The following CDH9 variants were observed in gnomAD, a reference collection of about 807,000 sequenced individuals.
CDH9 encodes cadherin 9, also known as cadherin-9.
Under a neutral mutation model 70.9 loss-of-function variants are expected in CDH9, and 28 were observed. The observed-to-expected ratio is 0.40, with a 90% CI of 0.29 to 0.54. The LOEUF is 0.54. Ranked by LOEUF, CDH9 falls within the 20% of genes least tolerant of loss-of-function variation. The probability of loss-of-function intolerance (pLI) is 0.59; values close to 1 mark genes in which losing one functional copy is unlikely to be tolerated. For missense variants in CDH9, 874 were observed against 984.4 expected (o/e 0.89, Z 1.50); for synonymous variants, 409 against 343.1 (o/e 1.19, Z -2.12).
At chr5:26,925,410 T>C (rs1741319719) in intron 2 of CDH9, among the ~76,000 whole-genome samples, 1 of 152,184 alleles carries the variant, frequency 6.6e-6, no homozygotes, top group African/African-American at 2.4e-5. Context: ...GTTTTATTCT[T>C]GTAAGTTTGT....
At chr5:26,977,662 G>T (rs1210614414) in intron 2 of CDH9, among the ~76,000 whole-genome samples, 1 of 151,868 alleles carries the variant, frequency 6.6e-6, no homozygotes, top group Non-Finnish European at 1.5e-5. Flanking sequence ...AGGATTCAAG[G>T]CTGCCATATT....
chr5:27,006,851 T>C (rs550113090), intron 1 of CDH9, among the ~76,000 whole-genome samples: 1 of 152,226 alleles, frequency 6.6e-6, no homozygotes, highest in South Asian at 2.1e-4. Context: ...TGTCTACTGA[T>C]TTTCTAGGCA....
intron 2 of CDH9, among the ~76,000 whole-genome samples, chr5:26,952,652 A>AAAG (rs1554000028): frequency 1.5e-4 from 21 of 141,352 alleles, no homozygotes; most frequent in African/African-American, 5.5e-4. Context: ...AAAAAAAAAA[A>AAAG]AAAGAAAGAA....
At chr5:27,016,714 T>G (rs1218331254) in intron 1 of CDH9, among the ~76,000 whole-genome samples, 11 of 151,982 alleles carry the variant, frequency 7.2e-5, no homozygotes, top group South Asian at 4.1e-4. Context: ...CCATTAAAAA[T>G]GCATTTAAGA....
intron 2 of CDH9, among the ~76,000 whole-genome samples, chr5:26,961,690 C>A (rs975842913): frequency 7.9e-5 from 12 of 151,906 alleles, no homozygotes; most frequent in Non-Finnish European, 1.5e-4. Flanking sequence ...CCACTCAAAC[C>A]AACCAATTAA....
intron 2 of CDH9, among the ~76,000 whole-genome samples, chr5:26,986,964 G>A (rs1399998007): frequency 6.6e-6 from 1 of 151,968 alleles, no homozygotes; most frequent in African/African-American, 2.4e-5. Flanking sequence ...TGATAAAGGA[G>A]GCTGCTTTTG....
At chr5:26,912,660 T>C (rs1375832627) in intron 3 of CDH9, among the ~76,000 whole-genome samples, 2 of 152,012 alleles carry the variant, frequency 1.3e-5, no homozygotes, top group African/African-American at 4.8e-5. Flanking sequence ...TTACTCACGA[T>C]TGAATAAATT....
At chr5:26,923,588 T>C (rs1186754611) in intron 2 of CDH9, among the ~76,000 whole-genome samples, 2 of 152,036 alleles carry the variant, frequency 1.3e-5, no homozygotes, top group Non-Finnish European at 2.9e-5. Context: ...CAGTCAATAT[T>C]TACAGAAGAT....
intron 2 of CDH9, among the ~76,000 whole-genome samples, chr5:26,931,796 A>G (rs1741467220): frequency 6.6e-6 from 1 of 152,158 alleles, no homozygotes; most frequent in Admixed American, 6.6e-5. Context: ...AAGTGCAGTC[A>G]ACCCAGACAT....
At chr5:27,024,548 T>A (rs1390046601) in intron 1 of CDH9, among the ~76,000 whole-genome samples, 1 of 152,080 alleles carries the variant, frequency 6.6e-6, no homozygotes, top group Non-Finnish European at 1.5e-5. Context: ...AGTAGTGAAA[T>A]TATCTTGAGC....
At chr5:26,935,621 T>C (rs1179879316) in intron 2 of CDH9, among the ~76,000 whole-genome samples, 1 of 152,156 alleles carries the variant, frequency 6.6e-6, no homozygotes, top group Non-Finnish European at 1.5e-5. Context: ...TTGGTGGAGA[T>C]GTGGTGAACA....
At chr5:26,990,223 C>G (rs1167874079) in intron 1 of CDH9, among the ~76,000 whole-genome samples, 1 of 152,128 alleles carries the variant, frequency 6.6e-6, no homozygotes, top group Admixed American at 6.5e-5. Context: ...GGGTCCAACT[C>G]AGCAGAAAGA....
intron 2 of CDH9, among the ~76,000 whole-genome samples, chr5:26,977,617 G>A (rs1742325502): frequency 6.6e-6 from 1 of 151,802 alleles, no homozygotes; most frequent in East Asian, 1.9e-4. Flanking sequence ...CATTTCATGT[G>A]TCATGTAAAA....
chr5:26,905,841 G>T (rs1579674967), intron 5 of CDH9, 118 bp downstream of exon 5: 7 of 733,658 alleles, frequency 9.5e-6, no homozygotes, highest in Non-Finnish European at 1.6e-5. Flanking sequence ...ATGGATTATG[G>T]TTTTTTCTTT....
rs145856081 is a variant in CDH9, at chr5:26,903,854, T to G, written c.812-30A>C. On this transcript the variant is annotated intron_variant, in intron 5 of 11. Coordinates refer to ENST00000231021, the MANE Select transcript of CDH9 (RefSeq NM_016279.4). ...AAATTAAGTAAGAGCTGTTTTGACA[T>G]TTCATCTTTATATAACATTTTTTCA... 7.8e-4 allele frequency: 942 copies of G among 1,215,198 alleles called. 16 individuals carry two copies. The East Asian group carries it at 0.022, about 28-fold the overall frequency. The allele number at this position is 1,215,198 out of a possible 1,614,324, so 75.3% of individuals were successfully genotyped here.
intron 3 of CDH9, among the ~76,000 whole-genome samples, chr5:26,912,983 C>T (rs1157797216): frequency 6.6e-6 from 1 of 152,062 alleles, no homozygotes; most frequent in East Asian, 1.9e-4. Flanking sequence ...CTGCTGCCAT[C>T]CGTGTAAGAC....
chr5:26,952,651 A>AAG (rs1741871626), intron 2 of CDH9, among the ~76,000 whole-genome samples: 2 of 145,556 alleles, frequency 1.4e-5, no homozygotes, highest in African/African-American at 5.1e-5. Flanking sequence ...AAAAAAAAAA[A>AAG]AAAAGAAAGA....
chr5:27,022,582 GT>G (rs1363616092), intron 1 of CDH9, among the ~76,000 whole-genome samples: 1 of 152,108 alleles, frequency 6.6e-6, no homozygotes, highest in Non-Finnish European at 1.5e-5. Flanking sequence ...TGAAACATAT[GT>G]TTCTTTTAGG....
chr5:26,926,041 A>T (rs967846886), intron 2 of CDH9, among the ~76,000 whole-genome samples: 1 of 152,210 alleles, frequency 6.6e-6, no homozygotes, highest in African/African-American at 2.4e-5. Context: ...CAAGACAGGG[A>T]TGCCCTCTCT....
Sources: gnomAD v4.1 joint callset for allele counts (sites outside exome capture counted in the v4.1 genomes callset) on GRCh38, gnomAD v4.1.1 for gene constraint, MANE v1.5 for transcripts, NCBI Gene and HGNC (gene_info 2026-07-23, HGNC 2026-07-21) for gene names.